TARS3: variants seen among roughly 807,000 people sequenced by gnomAD.
TARS3 encodes threonyl-tRNA synthetase 3.
TARS3 carries 94 observed loss-of-function variants against 103.5 expected under a neutral mutation model. The ratio of observed to expected loss-of-function variants is 0.91; its 90% CI spans 0.77 to 1.08. The LOEUF (loss-of-function observed/expected upper bound fraction) is 1.08, where lower values mean the gene tolerates loss of function less well. Among genes scored for constraint, TARS3 ranks in the 50% least tolerant of loss-of-function variants. TARS3 has a pLI of 0.00. For synonymous variants in TARS3, 416 were observed against 355.4 expected, an observed-to-expected ratio of 1.17 and a Z score of -1.92; for missense variants, 952 against 995.2, an observed-to-expected ratio of 0.96 and a Z score of 0.58.
chr15:101,699,363 T>C (rs1346106998), intron 10 of TARS3: 2 of 455,690 alleles, frequency 4.4e-6, no homozygotes, highest in Non-Finnish European at 4.4e-6. Flanking sequence ...TTTGTGCATT[T>C]AAGTGCCTTT....
intron 7 of TARS3, among the ~76,000 whole-genome samples, chr15:101,704,914 AC>A (rs1899476589): frequency 6.6e-6 from 1 of 152,178 alleles, no homozygotes; most frequent in African/African-American, 2.4e-5. Context: ...GATTTTACTT[AC>A]AGTACAATTA....
chr15:101,711,296 T>C (rs1899855251), intron 5 of TARS3, among the ~76,000 whole-genome samples: 1 of 152,222 alleles, frequency 6.6e-6, no homozygotes, highest in Non-Finnish European at 1.5e-5. Context: ...TAAAAATAAT[T>C]TTCAGTTAAA....
intron 12 of TARS3, among the ~76,000 whole-genome samples, chr15:101,676,401 T>C (rs1898027220): frequency 6.6e-6 from 1 of 152,200 alleles, no homozygotes; most frequent in Non-Finnish European, 1.5e-5. Context: ...AGGAGCAAGA[T>C]GACAGTGGCT....
At chr15:101,656,340 T>C (rs1193919211) in intron 18 of TARS3, among the ~76,000 whole-genome samples, 1 of 152,234 alleles carries the variant, frequency 6.6e-6, no homozygotes, top group Non-Finnish European at 1.5e-5. Context: ...TTATTTCGCC[T>C]TCTACAGACT....
intron 16 of TARS3, among the ~76,000 whole-genome samples, chr15:101,659,862 C>A (rs930647261): frequency 2.6e-5 from 4 of 152,202 alleles, no homozygotes; most frequent in African/African-American, 9.7e-5. Flanking sequence ...CAGGAATATA[C>A]ACAGACTCTC....
chr15:101,707,186 C>G (rs981757646), intron 6 of TARS3, among the ~76,000 whole-genome samples: 8 of 151,850 alleles, frequency 5.3e-5, no homozygotes, highest in Non-Finnish European at 1.0e-4. Flanking sequence ...AAAAACAAAA[C>G]AAGTGTTGGC....
intron 10 of TARS3, among the ~76,000 whole-genome samples, chr15:101,693,269 G>A (rs1050540612): frequency 5.3e-5 from 8 of 152,098 alleles, no homozygotes; most frequent in East Asian, 1.9e-4. Flanking sequence ...GCTGGTGGGG[G>A]GGCCTCACAA....
chr15:101,710,015 G>A (rs1283950315), intron 5 of TARS3, among the ~76,000 whole-genome samples: 1 of 152,168 alleles, frequency 6.6e-6, no homozygotes, highest in East Asian at 1.9e-4. Flanking sequence ...ATGATTAAAG[G>A]GTTGGGACTT....
At chr15:101,658,077 G>A (rs1567320486) in intron 16 of TARS3, among the ~76,000 whole-genome samples, 2 of 152,182 alleles carry the variant, frequency 1.3e-5, no homozygotes, top group African/African-American at 4.8e-5. Flanking sequence ...AGAATGAGCT[G>A]GCAGACAGCC....
chr15:101,658,994 G>A (rs970868283), intron 16 of TARS3, among the ~76,000 whole-genome samples: 1 of 152,142 alleles, frequency 6.6e-6, no homozygotes, highest in African/African-American at 2.4e-5. Context: ...GTTTCACCAT[G>A]TTGGCCAGAC....
intron 4 of TARS3, among the ~76,000 whole-genome samples, chr15:101,712,438 T>G (rs147286122): frequency 6.6e-6 from 1 of 152,330 alleles, no homozygotes; most frequent in Non-Finnish European, 1.5e-5. Flanking sequence ...CACAGAGCAC[T>G]GAAGTGTTCC....
intron 10 of TARS3, 53 bp downstream of exon 10, chr15:101,701,033 T>C: frequency 8.2e-7 from 1 of 1,215,912 alleles, no homozygotes; most frequent in Non-Finnish European, 1.2e-6. Flanking sequence ...GAGAAAATAG[T>C]AAAAATGTAA....
At chr15:101,713,538 A>ATGGAGAGGGAGAGAGG (rs140520700) in intron 4 of TARS3, among the ~76,000 whole-genome samples, 1 of 151,958 alleles carries the variant, frequency 6.6e-6, no homozygotes. Context: ...GGCAGTGGCA[A>ATGGAGAGGGAGAGAGG]TGGACAGATT....
rs1328134190 is a variant in TARS3, at chr15:101,721,227, C to G, written c.465G>C (p.Lys155Asn). 5 of 1,613,894 alleles carry G rather than the reference C, an allele frequency of 3.1e-6. No homozygotes were observed. The highest frequency in any genetic ancestry group is 4.2e-6 in the Non-Finnish European group (5 of 1,179,900). ...CTGTGATGATGTTGCTTGTATCCCC[C>G]TTTTTTCCATAAATGGCAAGTAAGA... is the stretch of plus-strand genomic sequence containing the variant. The part of the protein sequence containing the change: ...HQLLLAIYGK[K>N]GDTSNIITVR... The change falls in exon 3 of 19, where the codon AAG becomes AAC. Residue 155 changes from lysine to asparagine, a missense_variant. Physicochemically the swap from Lys to Asn is moderately conservative, Grantham distance 94. Transcript: ENST00000335968.
In TARS3 at chr15:101,714,859, T is replaced by C. The variant is rs774275705; in HGVS notation, c.671A>G (p.Asp224Gly). 181 of 1,606,568 alleles carry C rather than the reference T, an allele frequency of 1.1e-4. No homozygotes were observed. The highest frequency in any genetic ancestry group is 1.5e-4 in the Non-Finnish European group (174 of 1,175,784). ...ACTCACAGCTTGAGCTTCCTCATTA[T>C]CAAATGTAAGCAGCTCTAGAGAAGA... ...GDSSLELLTF[D>G]NEEAQAVYWH... The change falls in exon 4 of 19, where the codon GAT becomes GGT. Residue 224 changes from aspartate to glycine, a missense_variant. Physicochemically the swap from Asp to Gly is moderately conservative, Grantham distance 94 (BLOSUM62 -1). Transcript: ENST00000335968.
chr15:101,695,335 G>A (rs1474257601), intron 10 of TARS3, among the ~76,000 whole-genome samples: 1 of 152,178 alleles, frequency 6.6e-6, no homozygotes, highest in Non-Finnish European at 1.5e-5. Flanking sequence ...TTTCTGAAAT[G>A]TCATATAATG....
chr15:101,659,483 C>A (rs1038761137), intron 16 of TARS3, among the ~76,000 whole-genome samples: 7 of 152,148 alleles, frequency 4.6e-5, no homozygotes, highest in Non-Finnish European at 8.8e-5. Context: ...GGGGAGATTT[C>A]CCCACAAGGC....
intron 10 of TARS3, among the ~76,000 whole-genome samples, chr15:101,690,429 T>A (rs1369037167): frequency 6.6e-6 from 1 of 152,254 alleles, no homozygotes; most frequent in Non-Finnish European, 1.5e-5. Flanking sequence ...TTCCACCCTT[T>A]ACTGCCCTGA....
At chr15:101,723,044 T>C in intron 2 of TARS3, 49 bp downstream of exon 2, 1 of 1,495,986 alleles carries the variant, frequency 6.7e-7, no homozygotes. Context: ...TATACACATA[T>C]TTAAAATTAC....
Sources: allele counts gnomAD v4.1 joint callset (sites outside exome capture counted in the v4.1 genomes callset), GRCh38; gene constraint gnomAD v4.1.1; transcripts MANE v1.5; gene names NCBI Gene and HGNC (gene_info 2026-07-23, HGNC 2026-07-21).